Variants in MPP2 observed in about 807,000 individuals in gnomAD.
MPP2 encodes MAGUK p55 subfamily member 2.
In MPP2, 42 loss-of-function variants were observed where a neutral mutation model predicts 58.5. That is an observed-to-expected ratio of 0.72 (90% CI 0.56 to 0.93). The LOEUF is 0.93. MPP2 is among the 40% of genes least tolerant of loss of function. The pLI, the probability that MPP2 is intolerant of heterozygous loss-of-function variation, is 0.00. For synonymous variants in MPP2, 300 were observed against 307.8 expected (o/e 0.97, Z 0.26); for missense variants, 632 against 760.4 (o/e 0.83, Z 1.99).
At chr17:43,894,110 TAA>T (rs772282324) in intron 3 of MPP2, among the ~76,000 whole-genome samples, 24 of 126,140 alleles carry the variant, frequency 1.9e-4, no homozygotes, top group Non-Finnish European at 2.4e-4. Flanking sequence ...CTGTCTCTAC[TAA>T]AAAAAAAAAA....
At chr17:43,889,074 C>T (rs192504657) in intron 3 of MPP2, among the ~76,000 whole-genome samples, 2 of 152,000 alleles carry the variant, frequency 1.3e-5, no homozygotes, top group East Asian at 1.9e-4. Context: ...TACAGGCACG[C>T]GCCACCACCC....
intron 2 of MPP2, chr17:43,901,396 G>A: frequency 1.0e-6 from 1 of 985,482 alleles, no homozygotes; most frequent in Non-Finnish European, 1.2e-6. Context: ...CAGTTCCCCA[G>A]AAAGGAAAAA....
At chr17:43,891,583 C>G (rs1215788657) in intron 3 of MPP2, among the ~76,000 whole-genome samples, 1 of 151,506 alleles carries the variant, frequency 6.6e-6, no homozygotes, top group Non-Finnish European at 1.5e-5. Context: ...GGATAGGTAT[C>G]ATTCTCCCCA....
At chr17:43,907,548 G>T (rs1166780401), upstream of MPP2, 5 of 985,504 alleles carry the variant, frequency 5.1e-6, no homozygotes, top group Non-Finnish European at 6.0e-6. Context: ...CTTGTCAATC[G>T]CTAGCCCGGC....
intron 2 of MPP2, among the ~76,000 whole-genome samples, chr17:43,901,914 G>A (rs114880458): frequency 0.014 from 2,143 of 152,264 alleles, 52 homozygotes; most frequent in African/African-American, 0.048. Flanking sequence ...GGGGAAGGGC[G>A]GAAAAAGGAT....
upstream of MPP2, among the ~76,000 whole-genome samples, chr17:43,908,250 T>C (rs2048363178): frequency 6.6e-6 from 1 of 152,184 alleles, no homozygotes; most frequent in South Asian, 2.1e-4. Context: ...AGCCTCCGGC[T>C]CCACCCCACA....
intron 3 of MPP2, among the ~76,000 whole-genome samples, chr17:43,894,982 A>G (rs1169031828): frequency 6.6e-6 from 1 of 152,192 alleles, no homozygotes; most frequent in African/African-American, 2.4e-5. Flanking sequence ...ACAGCTAAAC[A>G]CATATGTAGG....
At chr17:43,901,610 G>A (rs1386706670) in intron 2 of MPP2, 1 of 983,860 alleles carries the variant, frequency 1.0e-6, no homozygotes, top group Non-Finnish European at 1.2e-6. Context: ...CACCAGGACA[G>A]TAACCCAGGG....
At chr17:43,906,704 G>C (rs1017409746) in intron 1 of MPP2, among the ~76,000 whole-genome samples, 1 of 152,102 alleles carries the variant, frequency 6.6e-6, no homozygotes, top group Non-Finnish European at 1.5e-5. Context: ...CTGCCCCAAC[G>C]GACCCAGCCC....
chr17:43,888,681 GT>G (rs1185732703), intron 3 of MPP2, among the ~76,000 whole-genome samples: 1 of 152,188 alleles, frequency 6.6e-6, no homozygotes, highest in East Asian at 1.9e-4. Context: ...TGGAGGACAA[GT>G]TTTCCGAGGA....
chr17:43,883,333 G>A lies in MPP2; in HGVS notation c.173C>T (p.Thr58Met), dbSNP rs755175397. ...GTTGTCTCTCACGGCCTCCAGCTTCGTCTCCTCCAGCCTCTCATGGGCCTG... is the reference window on the plus strand; with the variant it reads ...GTTGTCTCTCACGGCCTCCAGCTTCATCTCCTCCAGCCTCTCATGGGCCTG... ...LAKAHERLEETKLEAVRDNNL... is the reference protein window; with the variant it reads ...LAKAHERLEEMKLEAVRDNNL... Residue 58 changes from threonine to methionine, a missense_variant, in exon 4 of 13, where the codon ACG (threonine) becomes ATG (methionine). By Grantham distance (81) the Thr-to-Met change is moderately conservative (BLOSUM62 -1). Coordinates refer to ENST00000269095, the MANE Select transcript of MPP2 (RefSeq NM_005374.5). 1.1e-5 allele frequency: 18 copies of A among 1,611,918 alleles called. No homozygotes were observed. The highest frequency in any genetic ancestry group is 2.2e-5 in the East Asian group (1 of 44,882).
chr17:43,888,072 T>C (rs1395741978), intron 3 of MPP2, among the ~76,000 whole-genome samples: 1 of 152,112 alleles, frequency 6.6e-6, no homozygotes, highest in Non-Finnish European at 1.5e-5. Context: ...AATAGAAAAT[T>C]TGTTTAGCCA....
chr17:43,901,271 C>T (rs1391288542), intron 2 of MPP2: 11 of 985,346 alleles, frequency 1.1e-5, no homozygotes, highest in African/African-American at 3.5e-5. Flanking sequence ...GATGGTGCCC[C>T]AGCCCTGCTT....
intron 3 of MPP2, among the ~76,000 whole-genome samples, chr17:43,885,099 G>A (rs1179240041): frequency 6.9e-6 from 1 of 144,438 alleles, no homozygotes; most frequent in Non-Finnish European, 1.5e-5. Flanking sequence ...TCCAGCCTGG[G>A]CAACAAGAGC....
At chr17:43,890,843 T>C (rs1297717247) in intron 3 of MPP2, among the ~76,000 whole-genome samples, 1 of 152,034 alleles carries the variant, frequency 6.6e-6, no homozygotes, top group Non-Finnish European at 1.5e-5. Flanking sequence ...TCCCAGACAT[T>C]GCAGTTTTCC....
chr17:43,900,697 T>A, intron 2 of MPP2: 2 of 1,374,428 alleles, frequency 1.5e-6, no homozygotes, highest in South Asian at 3.2e-5. Context: ...TCAGCCGCCG[T>A]GACCGCCTTG....
intron 3 of MPP2, among the ~76,000 whole-genome samples, chr17:43,897,552 T>TA (rs2047899404): frequency 6.6e-6 from 1 of 152,104 alleles, no homozygotes; most frequent in Admixed American, 6.5e-5. Context: ...AGCACCCACA[T>TA]ACAGCCCCCA....
At chr17:43,904,727 G>C (rs1005007256) in intron 1 of MPP2, among the ~76,000 whole-genome samples, 117 of 152,306 alleles carry the variant, frequency 7.7e-4, no homozygotes, top group African/African-American at 2.8e-3. Context: ...GAGGTTAACT[G>C]ATTTGCCCAA....
intron 2 of MPP2, among the ~76,000 whole-genome samples, chr17:43,900,786 G>C (rs984203225): frequency 2.0e-5 from 3 of 152,192 alleles, no homozygotes; most frequent in Non-Finnish European, 4.4e-5. Context: ...TGGTGGGAGG[G>C]AGCCCTAGTC....
Sources: gnomAD v4.1 joint callset for allele counts (sites outside exome capture counted in the v4.1 genomes callset) on GRCh38, gnomAD v4.1.1 for gene constraint, MANE v1.5 for transcripts, NCBI Gene and HGNC (gene_info 2026-07-23, HGNC 2026-07-21) for gene names.